The following MEGF11 variants were observed in gnomAD, a reference collection of about 807,000 sequenced individuals.
The protein encoded by MEGF11 is multiple EGF like domains 11.
Under a neutral mutation model 146.6 loss-of-function variants are expected in MEGF11, and 126 were observed. The ratio of observed to expected loss-of-function variants is 0.86; its 90% CI spans 0.74 to 1.00. The LOEUF (loss-of-function observed/expected upper bound fraction) is 1.00, where lower values mean the gene tolerates loss of function less well. Among genes scored for constraint, MEGF11 ranks in the 50% least tolerant of loss-of-function variants. The probability of loss-of-function intolerance (pLI) is 0.00; values close to 1 mark genes in which losing one functional copy is unlikely to be tolerated. For synonymous variants in MEGF11, 532 were observed against 583.4 expected (o/e 0.91, Z 1.27); for missense variants, 1,509 against 1,521.2 (o/e 0.99, Z 0.13).
intron 4 of MEGF11, among the ~76,000 whole-genome samples, chr15:66,104,278 C>T (rs191867062): frequency 1.3e-5 from 2 of 152,290 alleles, no homozygotes; most frequent in East Asian, 1.9e-4. Flanking sequence ...TTCCCCTCTG[C>T]CCACCCCAGC....
intron 1 of MEGF11, among the ~76,000 whole-genome samples, chr15:66,202,126 T>A (rs1256811394): frequency 6.9e-6 from 1 of 144,504 alleles, no homozygotes; most frequent in African/African-American, 2.5e-5. Flanking sequence ...CACGCGTGCA[T>A]GCACACACAC....
At chr15:66,162,790 T>C (rs2089988129) in intron 1 of MEGF11, among the ~76,000 whole-genome samples, 1 of 151,830 alleles carries the variant, frequency 6.6e-6, no homozygotes, top group Non-Finnish European at 1.5e-5. Flanking sequence ...TTACTGCTTA[T>C]CAGTTGTACC....
At chr15:66,176,503 A>C (rs1415892893) in intron 1 of MEGF11, among the ~76,000 whole-genome samples, 2 of 152,180 alleles carry the variant, frequency 1.3e-5, no homozygotes, top group African/African-American at 4.8e-5. Context: ...AATTAATCAA[A>C]ATAAATAAAA....
chr15:66,054,458 G>A (rs1441763485), intron 5 of MEGF11, among the ~76,000 whole-genome samples: 1 of 152,154 alleles, frequency 6.6e-6, no homozygotes, highest in Non-Finnish European at 1.5e-5. Flanking sequence ...CCTGGCCTTT[G>A]AATGTGCTGC....
intron 16 of MEGF11, among the ~76,000 whole-genome samples, chr15:65,917,178 C>G (rs966755397): frequency 6.6e-6 from 1 of 152,182 alleles, no homozygotes; most frequent in African/African-American, 2.4e-5. Flanking sequence ...TGCCCACTCT[C>G]CAAGTCTTTG....
At chr15:66,074,281 C>A (rs1031959652) in intron 5 of MEGF11, among the ~76,000 whole-genome samples, 1 of 152,184 alleles carries the variant, frequency 6.6e-6, no homozygotes, top group East Asian at 1.9e-4. Flanking sequence ...TTGTATGAAG[C>A]CCTCTGCAAC....
intron 5 of MEGF11, among the ~76,000 whole-genome samples, chr15:66,039,304 G>A (rs938212457): frequency 2.6e-5 from 4 of 152,162 alleles, no homozygotes; most frequent in African/African-American, 4.8e-5. Flanking sequence ...TCCCAGAGGT[G>A]GCGGGAGAGG....
At chr15:66,022,963 ACCAACATGGTGAAACC>A (rs897896351) in intron 5 of MEGF11, among the ~76,000 whole-genome samples, 5 of 151,702 alleles carry the variant, frequency 3.3e-5, no homozygotes, top group Admixed American at 2.6e-4. Context: ...GACCAGCCTG[ACCAACATGGTGAAACC>A]CCATCTCTAC....
chr15:66,220,620 C>A (rs2091712142), intron 1 of MEGF11, among the ~76,000 whole-genome samples: 1 of 149,154 alleles, frequency 6.7e-6, no homozygotes, highest in South Asian at 2.1e-4. Flanking sequence ...TCACTGCAGC[C>A]TTGACCTCCC....
At chr15:66,104,137 T>C (rs1271292610) in intron 4 of MEGF11, among the ~76,000 whole-genome samples, 1 of 152,246 alleles carries the variant, frequency 6.6e-6, no homozygotes, top group African/African-American at 2.4e-5. Flanking sequence ...TCCCTCCCTT[T>C]GTGAAGGCAA....
At chr15:66,111,094 T>C (rs1015812657) in intron 4 of MEGF11, among the ~76,000 whole-genome samples, 1 of 152,240 alleles carries the variant, frequency 6.6e-6, no homozygotes, top group Non-Finnish European at 1.5e-5. Context: ...CTTATCCATG[T>C]GGACAAGTCA....
chr15:66,228,945 G>A (rs989742897), intron 1 of MEGF11, among the ~76,000 whole-genome samples: 3 of 152,182 alleles, frequency 2.0e-5, no homozygotes, highest in Admixed American at 6.5e-5. Flanking sequence ...TCTACACAGC[G>A]CCCTCTCCAA....
intron 24 of MEGF11, among the ~76,000 whole-genome samples, chr15:65,904,068 C>T (rs963530241): frequency 6.6e-6 from 1 of 152,184 alleles, no homozygotes; most frequent in Non-Finnish European, 1.5e-5. Flanking sequence ...CACTGCTTTC[C>T]TGAGCTTTGT....
chr15:66,180,996 C>T (rs1003261895), intron 1 of MEGF11, among the ~76,000 whole-genome samples: 14 of 152,170 alleles, frequency 9.2e-5, no homozygotes, highest in African/African-American at 1.4e-4. Flanking sequence ...ACATCTTATG[C>T]GATTTTTAAC....
intron 4 of MEGF11, among the ~76,000 whole-genome samples, chr15:66,096,055 G>T (rs2086539227): frequency 6.6e-6 from 1 of 152,110 alleles, no homozygotes; most frequent in South Asian, 2.1e-4. Flanking sequence ...GTGCCCCCAG[G>T]ACACACCAGT....
intron 13 of MEGF11, 103 bp from the exon 14 acceptor site, chr15:65,923,072 A>G (rs2079234215): frequency 1.6e-6 from 2 of 1,267,222 alleles, no homozygotes; most frequent in East Asian, 5.3e-5. Flanking sequence ...GGAGGCAAGC[A>G]TAGTGCATCC....
In MEGF11 at chr15:65,965,263, TCTC is replaced by T. The variant is rs1331663896; in HGVS notation, c.900-146_900-144del. Reference sequence around the variant, plus strand: ...GCTCACAGCCTCCTCCCCTTTTCTCTCTCCTCCTCCAGGAAGTAGTCCATGGTT... The same window carrying T: ...GCTCACAGCCTCCTCCCCTTTTCTCTCTCCTCCAGGAAGTAGTCCATGGTT... On this transcript the variant is annotated intron_variant, in intron 8 of 25. Transcript: ENST00000395614. 7 of 614,648 alleles carry T rather than the reference TCTC, an allele frequency of 1.1e-5. No homozygotes were observed. The East Asian group carries it at 1.2e-4, about 11-fold the overall frequency. The allele number at this position is 614,648 out of a possible 1,614,324, so 38.1% of individuals were successfully genotyped here.
intron 4 of MEGF11, among the ~76,000 whole-genome samples, chr15:66,099,204 C>CTTTTTTTTTTTTT (rs10683767): frequency 9.4e-6 from 1 of 105,878 alleles, no homozygotes; most frequent in Non-Finnish European, 1.9e-5. Flanking sequence ...CCTCCTTTTT[C>CTTTTTTTTTTTTT]TTTTTTTTTT....
intron 15 of MEGF11, among the ~76,000 whole-genome samples, chr15:65,919,700 G>A (rs1337981197): frequency 1.3e-5 from 2 of 152,130 alleles, no homozygotes; most frequent in East Asian, 1.9e-4. Context: ...GTGCAATCTC[G>A]GCTTACTGCA....
Sources: allele counts gnomAD v4.1 joint callset (sites outside exome capture counted in the v4.1 genomes callset), GRCh38; gene constraint gnomAD v4.1.1; transcripts MANE v1.5; gene names NCBI Gene and HGNC (gene_info 2026-07-23, HGNC 2026-07-21).